The following MMP28 variants were observed in gnomAD, a reference collection of about 807,000 sequenced individuals.
MMP28 encodes the protein matrix metallopeptidase 28.
MMP28 carries 55 observed loss-of-function variants against 60.5 expected under a neutral mutation model. The ratio of observed to expected loss-of-function variants is 0.91; its 90% CI spans 0.73 to 1.14. The LOEUF is 1.14. Ranked by LOEUF, MMP28 falls within the 50% of genes most tolerant of loss-of-function variation. MMP28 has a pLI of 0.00. For synonymous variants in MMP28, 318 were observed against 312.5 expected (o/e 1.02, Z -0.18); for missense variants, 686 against 738.3 (o/e 0.93, Z 0.82).
chr17:35,763,998 G>C, downstream of MMP28: 4 of 1,529,838 alleles, frequency 2.6e-6, no homozygotes, highest in Non-Finnish European at 3.5e-6. Flanking sequence ...ACCTCCTCCC[G>C]GCCCGCAGGT....
At chr17:35,770,640 G>A (rs1428269038) in intron 4 of MMP28, among the ~76,000 whole-genome samples, 1 of 152,060 alleles carries the variant, frequency 6.6e-6, no homozygotes, top group African/African-American at 2.4e-5. Context: ...ACCTCTCTAT[G>A]TCTTAACTTC....
Position 35,766,217 on chromosome 17 carries a change from GC to G in MMP28, c.*282del. On this transcript the variant is annotated 3_prime_UTR_variant, in exon 8 of 8. Transcript: ENST00000605424. The surrounding 1 kb of genome is among the most constrained non-coding windows in gnomAD (Gnocchi z 4.3). ...TGTACCTTTAGCCGAAGAAACAAAG[GC>G]CTGGGGAGGATAGAAGTCCTCGGAG... 8.2e-7 allele frequency: 1 copy of G among 1,226,484 alleles called. No homozygotes were observed. The highest frequency in any genetic ancestry group is 1.0e-6 in the Non-Finnish European group (1 of 981,042). The allele number at this position is 1,226,484 out of a possible 1,614,324, so 76.0% of individuals were successfully genotyped here.
At position 35,767,806 on chromosome 17, in the gene MMP28, TG is replaced by T. The variant is rs750644158; in HGVS notation, c.1113del (p.Asn372ThrfsTer9). On this transcript the variant is annotated frameshift_variant, in exon 7 of 8. Coordinates refer to ENST00000605424, the MANE Select transcript of MMP28 (RefSeq NM_024302.5). LOFTEE classifies it high-confidence loss of function. Reference sequence around the variant, plus strand: ...AATGACACTGCCGCAGCCTCAATGTTGGGGGGCAGCCCGACCCATCTTTCCT... The same window carrying T: ...AATGACACTGCCGCAGCCTCAATGTTGGGGGCAGCCCGACCCATCTTTCCT... ...PLQERWVGLP[P>X]NIEAAAVSLN... 6 of 1,603,928 alleles carry T rather than the reference TG, an allele frequency of 3.7e-6. No individual in the cohort carries two copies. In the South Asian group the frequency reaches 6.7e-5, roughly 18 times the overall value.
downstream of MMP28, among the ~76,000 whole-genome samples, chr17:35,762,148 G>A (rs375994450): frequency 5.8e-4 from 88 of 152,126 alleles, no homozygotes; most frequent in South Asian, 0.015. Context: ...GCACTGCCAC[G>A]CCCAGCTAAT....
chr17:35,764,024 T>C (rs1331423762), downstream of MMP28: 1 of 1,545,176 alleles, frequency 6.5e-7, no homozygotes, highest in Non-Finnish European at 8.7e-7. Flanking sequence ...GACCCCCTTG[T>C]GGAAGAAGGA....
At chr17:35,790,167 A>G (rs1169422827) in intron 1 of MMP28, among the ~76,000 whole-genome samples, 1 of 150,574 alleles carries the variant, frequency 6.6e-6, no homozygotes, top group Non-Finnish European at 1.5e-5. Flanking sequence ...CCTGGGTTCA[A>G]GCAATTCTGC....
In MMP28 at chr17:35,778,804, C is replaced by A. The variant is rs1218935180; in HGVS notation, c.379+84G>T. 5 of 1,611,012 alleles carry A rather than the reference C, an allele frequency of 3.1e-6. No homozygotes were observed. In the Admixed American group the frequency reaches 8.4e-5, roughly 27 times the overall value. On this transcript the variant is annotated intron_variant, in intron 3 of 7. Coordinates refer to ENST00000605424, the MANE Select transcript of MMP28 (RefSeq NM_024302.5). Reference sequence around the variant, plus strand: ...GGGAAGAGAGGTTACTGACAAAGTCCAGTCCCAGGCTCAGCTGTTTTCCTA... The same window carrying A: ...GGGAAGAGAGGTTACTGACAAAGTCAAGTCCCAGGCTCAGCTGTTTTCCTA...
Position 35,795,587 on chromosome 17 carries a change from A to T in MMP28, c.-210T>A. 2.6e-6 allele frequency: 1 copy of T among 383,682 alleles called. No individual in the cohort carries two copies. The highest frequency in any genetic ancestry group is 4.6e-6 in the Non-Finnish European group (1 of 217,110). 23.8% of individuals were successfully genotyped at this position (383,682 alleles called of 1,614,324 possible). A position where few individuals can be genotyped will look rare whatever the true frequency, so the allele number is the denominator to read the frequency against. On this transcript the variant is annotated 5_prime_UTR_variant, in exon 1 of 8. Coordinates refer to ENST00000605424, the MANE Select transcript of MMP28 (RefSeq NM_024302.5). ...GCCGGGAGCCGGCCAGACGTCGTCCAGCCCGGGCAGTGCCTGCCCGCGGGT... is the reference window on the plus strand; with the variant it reads ...GCCGGGAGCCGGCCAGACGTCGTCCTGCCCGGGCAGTGCCTGCCCGCGGGT...
intron 3 of MMP28, 143 bp from the exon 4 acceptor site, chr17:35,773,547 G>T (rs1167498080): frequency 1.4e-6 from 1 of 732,742 alleles, no homozygotes; most frequent in Non-Finnish European, 2.2e-6. Context: ...GCCCTGGGCA[G>T]CTCCCCCTTT....
intron 7 of MMP28, among the ~76,000 whole-genome samples, chr17:35,767,247 A>T (rs960380146): frequency 2.6e-5 from 4 of 152,342 alleles, no homozygotes; most frequent in South Asian, 2.1e-4. Context: ...TCTAGTGCAT[A>T]CAAGGCACTC....
downstream of MMP28, chr17:35,765,738 C>T (rs567119350): frequency 1.7e-6 from 1 of 593,320 alleles, no homozygotes; most frequent in South Asian, 7.4e-5. Context: ...TCCATCACAG[C>T]TCTGCACACA....
In MMP28 at chr17:35,770,001, G is replaced by A. The variant is rs557527737; in HGVS notation, c.850+66C>T. 12 of 1,476,270 alleles carry A rather than the reference G, an allele frequency of 8.1e-6. No homozygotes were observed. In the African/African-American group the frequency reaches 1.4e-4, roughly 18 times the overall value. 91.4% of individuals were successfully genotyped at this position (1,476,270 alleles called of 1,614,324 possible). On this transcript the variant is annotated intron_variant, in intron 5 of 7. Transcript: ENST00000605424. The stretch of plus-strand genomic sequence containing the variant: ...GGGAAATCCTATTTGCAGAGCCGGC[G>A]TTCAAGGACAGGAGGCCTTGGGGGC...
chr17:35,770,372 G>C, intron 4 of MMP28, 60 bp from the exon 5 acceptor site: 3 of 1,443,894 alleles, frequency 2.1e-6, no homozygotes, highest in Non-Finnish European at 2.7e-6. Context: ...AGGTACTCGC[G>C]GCCCAGCGCA....
In MMP28 at chr17:35,795,318, C is replaced by T; in HGVS notation, c.60G>A (p.Leu20=). The change falls in exon 1 of 8, where the codon CTG becomes CTA. Residue 20 remains leucine, a synonymous_variant. Coordinates refer to ENST00000605424, the MANE Select transcript of MMP28 (RefSeq NM_024302.5). ...RALQLLLWGH[L]DAQPAERGGQ... ...CTCCGCGCTCCGCGGGCTGGGCGTC[C>T]AGGTGGCCCCACAGTAGCAGCTGCA... 1 of 1,465,952 alleles carries T rather than the reference C, an allele frequency of 6.8e-7. No individual in the cohort carries two copies. 90.8% of individuals were successfully genotyped at this position (1,465,952 alleles called of 1,614,324 possible). A position where few individuals can be genotyped will look rare whatever the true frequency, so the allele number is the denominator to read the frequency against.
intron 1 of MMP28, among the ~76,000 whole-genome samples, chr17:35,785,583 G>C (rs958463925): frequency 6.6e-6 from 1 of 152,028 alleles, no homozygotes; most frequent in African/African-American, 2.4e-5. Flanking sequence ...GAGTAGCTGG[G>C]ACTACAGGCG....
downstream of MMP28, chr17:35,764,835 C>T: frequency 4.2e-6 from 2 of 472,068 alleles, no homozygotes; most frequent in Non-Finnish European, 7.3e-6. Flanking sequence ...CCCAGCATAA[C>T]CTAGAGCCCG....
At chr17:35,770,504 T>G (rs1041651599) in intron 4 of MMP28, among the ~76,000 whole-genome samples, 192 bp from the exon 5 acceptor site, 1 of 152,214 alleles carries the variant, frequency 6.6e-6, no homozygotes, top group Admixed American at 6.5e-5. Context: ...AGTAGTGCAG[T>G]GGACGATGAG....
chr17:35,760,774 G>A (rs889835284), intron 2 of MMP28: 13 of 769,500 alleles, frequency 1.7e-5, no homozygotes, highest in South Asian at 1.6e-4. Flanking sequence ...GGGAGGCTCT[G>A]GAAAAGGAAA....
At chr17:35,781,409 A>G (rs2086497695) in intron 1 of MMP28, among the ~76,000 whole-genome samples, 1 of 152,184 alleles carries the variant, frequency 6.6e-6, no homozygotes, top group African/African-American at 2.4e-5. Flanking sequence ...CAGCCTGAAT[A>G]TTTCAGCATG....
Sources: gnomAD v4.1 joint callset for allele counts (sites outside exome capture counted in the v4.1 genomes callset) on GRCh38, gnomAD v4.1.1 for gene constraint, Gnocchi (gnomAD v3.1) non-coding constraint, MANE v1.5 for transcripts, NCBI Gene and HGNC (gene_info 2026-07-23, HGNC 2026-07-21) for gene names.